Variants in MEI4 observed in about 807,000 individuals in gnomAD.
MEI4 encodes the protein meiosis-specific protein MEI4.
A neutral mutation model predicts 31.4 loss-of-function variants in MEI4; 27 were observed. That is an observed-to-expected ratio of 0.86 (90% CI 0.63 to 1.19). The LOEUF (loss-of-function observed/expected upper bound fraction) is 1.19, where lower values mean the gene tolerates loss of function less well. Among genes scored for constraint, MEI4 ranks in the 50% most tolerant of loss-of-function variants. MEI4 has a pLI of 0.00. For missense variants in MEI4, 329 were observed against 398.9 expected (o/e 0.82, Z 1.49); for synonymous variants, 122 against 145.4 (o/e 0.84, Z 1.16).
intron 4 of MEI4, among the ~76,000 whole-genome samples, chr6:77,875,475 T>C (rs1267895185): frequency 6.6e-6 from 1 of 152,198 alleles, no homozygotes; most frequent in African/African-American, 2.4e-5. Flanking sequence ...TTTGACATGA[T>C]TGTAAAAGAT....
At chr6:77,756,969 G>A (rs1355659208) in intron 2 of MEI4, among the ~76,000 whole-genome samples, 2 of 152,060 alleles carry the variant, frequency 1.3e-5, no homozygotes, top group Admixed American at 1.3e-4. Flanking sequence ...ATAACATTTA[G>A]AAATCAATGA....
In MEI4 at chr6:77,760,291, A is replaced by G. The variant is rs1582112881; in HGVS notation, c.233-839A>G. 6.6e-5 allele frequency among the ~76,000 whole-genome samples: 10 copies of G among 152,142 alleles called. 1 individual carries two copies. On this transcript the variant is annotated intron_variant, in intron 2 of 4. Transcript: ENST00000684080. ...TACAGAGATATGTAGATATCTATAT[A>G]TATTTATATTTGTATATCAGATATT...
At chr6:77,855,319 G>A (rs565084210) in intron 4 of MEI4, among the ~76,000 whole-genome samples, 49 of 151,970 alleles carry the variant, frequency 3.2e-4, no homozygotes, top group African/African-American at 6.8e-4. Flanking sequence ...CACTCCAGCC[G>A]GGGCAACACA....
chr6:77,690,237 T>C (rs528630705), intron 1 of MEI4, among the ~76,000 whole-genome samples: 36 of 152,144 alleles, frequency 2.4e-4, no homozygotes, highest in African/African-American at 7.5e-4. Flanking sequence ...GATAATTTAA[T>C]GGTTCTGGTT....
intron 3 of MEI4, among the ~76,000 whole-genome samples, chr6:77,825,328 C>T (rs1398573): frequency 0.83 from 126,522 of 152,178 alleles, 53,086 homozygotes; most frequent in East Asian, 0.95. Context: ...CTTTGAGAAG[C>T]TGGTCATAAA....
rs577922623 is a variant in MEI4, at chr6:77,712,743, A to G, written c.232+21840A>G. ...TCCCAGCACTTTGGGAGGCTAAGGC[A>G]GGTGGATCACGAGGTCAGGAGATGG... On this transcript the variant is annotated intron_variant, in intron 2 of 4. Transcript: ENST00000684080. Among the ~76,000 whole-genome samples, 4 of 152,246 alleles carry G rather than the reference A, an allele frequency of 2.6e-5. No individual in the cohort carries two copies. The East Asian group carries it at 7.7e-4, about 29-fold the overall frequency.
chr6:77,856,657 T>C (rs967801889), intron 4 of MEI4, among the ~76,000 whole-genome samples: 1 of 152,190 alleles, frequency 6.6e-6, no homozygotes, highest in Non-Finnish European at 1.5e-5. Context: ...AGAGTGTAAA[T>C]TGCAAGAGCG....
intron 3 of MEI4, among the ~76,000 whole-genome samples, chr6:77,787,427 T>G (rs1475932863): frequency 1.3e-5 from 2 of 152,162 alleles, no homozygotes; most frequent in African/African-American, 2.4e-5. Context: ...TGGTGGTTGG[T>G]GGGGTGGTAG....
intron 4 of MEI4, among the ~76,000 whole-genome samples, chr6:77,829,281 A>G (rs531709481): frequency 6.6e-6 from 1 of 150,414 alleles, no homozygotes; most frequent in East Asian, 1.9e-4. Flanking sequence ...TTACTTGCAT[A>G]TATGTGCCAA....
At chr6:77,791,120 G>A (rs1768915781) in intron 3 of MEI4, among the ~76,000 whole-genome samples, 3 of 152,112 alleles carry the variant, frequency 2.0e-5, no homozygotes, top group Admixed American at 2.0e-4. Context: ...GGAAGTCAGT[G>A]TGGCGATTCC....
intron 2 of MEI4, among the ~76,000 whole-genome samples, chr6:77,698,311 T>G (rs1331898936): frequency 2.0e-5 from 3 of 152,204 alleles, no homozygotes; most frequent in African/African-American, 7.2e-5. Flanking sequence ...CCTGTCAGTA[T>G]GATGTTCTCT....
intron 2 of MEI4, among the ~76,000 whole-genome samples, chr6:77,742,738 GT>G (rs1767449629): frequency 6.6e-6 from 1 of 152,020 alleles, no homozygotes; most frequent in Non-Finnish European, 1.5e-5. Context: ...TTCTTCTAGG[GT>G]TTTTATGGTT....
Position 77,924,840 on chromosome 6 carries a change from T to C in MEI4, c.*1494T>C, listed in dbSNP as rs1766808086. The C allele has an allele frequency of 6.6e-6, 1 of 151,812 alleles. No individual in the cohort carries two copies. The highest frequency in any genetic ancestry group is 2.4e-5 in the African/African-American group (1 of 41,368). The allele number at this position is 151,812 out of a possible 1,614,324, so 9.4% of individuals were successfully genotyped here. On this transcript the variant is annotated 3_prime_UTR_variant, in exon 5 of 5. Coordinates refer to ENST00000684080, the MANE Select transcript of MEI4 (RefSeq NM_001322247.2). ...AAAAGTGACTGACAGGGGAGTAGAC[T>C]TGAGTGGGAGAACTTGCAGTTACAG...
intron 3 of MEI4, among the ~76,000 whole-genome samples, chr6:77,828,510 C>T (rs1049245164): frequency 6.6e-6 from 1 of 152,176 alleles, no homozygotes; most frequent in Non-Finnish European, 1.5e-5. Flanking sequence ...CCCTGCCCCC[C>T]TTCCATGGAA....
Position 77,874,172 on chromosome 6 carries a change from T to C in MEI4, c.900+45110T>C, listed in dbSNP as rs1268492093. 3.9e-5 allele frequency among the ~76,000 whole-genome samples: 6 copies of C among 152,344 alleles called. No individual in the cohort carries two copies. The East Asian group carries it at 1.2e-3, about 29-fold the overall frequency. ...CTTTGGTAGCTTGATGGGGATGGCA[T>C]TGAATCTATTAATTACCTTGGGCAA... On this transcript the variant is annotated intron_variant, in intron 4 of 4. Coordinates refer to ENST00000684080, the MANE Select transcript of MEI4 (RefSeq NM_001322247.2).
intron 2 of MEI4, among the ~76,000 whole-genome samples, chr6:77,752,547 AC>A (rs1355381412): frequency 6.6e-6 from 1 of 152,232 alleles, no homozygotes; most frequent in African/African-American, 2.4e-5. Flanking sequence ...AATACAACTT[AC>A]AAGGGATGTG....
intron 2 of MEI4, among the ~76,000 whole-genome samples, chr6:77,744,793 G>A (rs1033692286): frequency 1.3e-5 from 2 of 152,208 alleles, no homozygotes; most frequent in African/African-American, 4.8e-5. Flanking sequence ...CTAGAAGCCA[G>A]AAGAGAGTGG....
At chr6:77,732,938 T>G (rs1157245683) in intron 2 of MEI4, among the ~76,000 whole-genome samples, 2 of 151,090 alleles carry the variant, frequency 1.3e-5, no homozygotes, top group Admixed American at 1.3e-4. Flanking sequence ...TTTATTGATT[T>G]GCATATATTG....
At chr6:77,841,327 A>ATT (rs1770354353) in intron 4 of MEI4, among the ~76,000 whole-genome samples, 1 of 40,280 alleles carries the variant, frequency 2.5e-5, no homozygotes, top group Admixed American at 3.0e-4. Context: ...ATATATATAT[A>ATT]TATATATTTT....
Sources: gnomAD v4.1 joint callset for allele counts (sites outside exome capture counted in the v4.1 genomes callset) on GRCh38, gnomAD v4.1.1 for gene constraint, MANE v1.5 for transcripts, NCBI Gene and HGNC (gene_info 2026-07-23, HGNC 2026-07-21) for gene names.